Variants in TRPM3 observed in about 807,000 individuals in gnomAD.
The protein encoded by TRPM3 is long transient receptor potential channel 3.
A neutral mutation model predicts 181.2 loss-of-function variants in TRPM3; 77 were observed. That is an observed-to-expected ratio of 0.42 (90% CI 0.35 to 0.51). The LOEUF (loss-of-function observed/expected upper bound fraction) is 0.51, where lower values mean the gene tolerates loss of function less well. Ranked by LOEUF, TRPM3 falls within the 20% of genes least tolerant of loss-of-function variation. TRPM3 has a pLI of 0.01. For missense variants in TRPM3, 1,759 were observed against 2,196.7 expected (o/e 0.80, Z 3.98); for synonymous variants, 745 against 796.4 (o/e 0.94, Z 1.09).
At chr9:71,413,277 ATATT>A (rs1189582675) in intron 1 of TRPM3, among the ~76,000 whole-genome samples, 3 of 152,158 alleles carry the variant, frequency 2.0e-5, no homozygotes, top group East Asian at 1.9e-4. Flanking sequence ...TTTATAACTC[ATATT>A]TATTGAGTAT....
intron 6 of TRPM3, among the ~76,000 whole-genome samples, chr9:70,791,791 TA>T (rs2085481319): frequency 1.3e-5 from 2 of 152,340 alleles, no homozygotes; most frequent in South Asian, 4.1e-4. Flanking sequence ...GAATGCAGAA[TA>T]TATTAAATTA....
At chr9:71,421,998 G>T (rs959059681) in intron 1 of TRPM3, among the ~76,000 whole-genome samples, 1 of 151,442 alleles carries the variant, frequency 6.6e-6, no homozygotes, top group Non-Finnish European at 1.5e-5. Flanking sequence ...TGTTTTTTTT[G>T]AAGATGCTAC....
intron 1 of TRPM3, among the ~76,000 whole-genome samples, chr9:71,130,618 T>C (rs2074310481): frequency 1.3e-5 from 2 of 152,188 alleles, no homozygotes; most frequent in Non-Finnish European, 1.5e-5. Flanking sequence ...ATGAATTTGA[T>C]TTATAGCAGC....
intron 1 of TRPM3, among the ~76,000 whole-genome samples, chr9:71,187,768 C>T (rs2077760595): frequency 1.3e-5 from 2 of 151,862 alleles, no homozygotes; most frequent in Non-Finnish European, 2.9e-5. Flanking sequence ...TTTCTTCAGA[C>T]ATATTCCAAG....
intron 8 of TRPM3, chr9:70,760,887 CG>C (rs1564165069): frequency 6.6e-6 from 1 of 152,198 alleles, no homozygotes; most frequent in African/African-American, 2.4e-5. Context: ...TCAAATGAGC[CG>C]GGTTTCCTCA....
intron 1 of TRPM3, among the ~76,000 whole-genome samples, chr9:71,250,122 T>C (rs1257996953): frequency 6.6e-6 from 1 of 152,116 alleles, no homozygotes; most frequent in Non-Finnish European, 1.5e-5. Flanking sequence ...AAAATAGGAG[T>C]CACAATTCTA....
chr9:70,584,959 T>C (rs2056797487), intron 22 of TRPM3, among the ~76,000 whole-genome samples: 1 of 152,186 alleles, frequency 6.6e-6, no homozygotes, highest in African/African-American at 2.4e-5. Flanking sequence ...TCTATGCAAA[T>C]AGGTGGCCCA....
At chr9:70,934,565 C>T (rs944141441) in intron 1 of TRPM3, among the ~76,000 whole-genome samples, 6 of 152,098 alleles carry the variant, frequency 3.9e-5, no homozygotes, top group Admixed American at 1.3e-4. Context: ...TTCTTAGCCT[C>T]GGTTTCCTCA....
At chr9:70,822,007 A>T (rs954053313) in intron 6 of TRPM3, among the ~76,000 whole-genome samples, 4 of 152,214 alleles carry the variant, frequency 2.6e-5, no homozygotes, top group African/African-American at 9.7e-5. Context: ...AACTGACTGT[A>T]GTTGTTTTCT....
intron 1 of TRPM3, among the ~76,000 whole-genome samples, chr9:71,258,261 A>C (rs2082799818): frequency 6.6e-6 from 1 of 152,198 alleles, no homozygotes; most frequent in African/African-American, 2.4e-5. Flanking sequence ...AGATGGGGAA[A>C]CTGAGGTTAA....
At chr9:71,274,687 T>C (rs1190825891) in intron 1 of TRPM3, among the ~76,000 whole-genome samples, 2 of 152,244 alleles carry the variant, frequency 1.3e-5, no homozygotes, top group African/African-American at 2.4e-5. Context: ...TGTCATTTTC[T>C]TGAATCTATT....
rs2061864025 is a variant in TRPM3, at chr9:70,610,604, C to T, written c.2667+5G>A. 6.2e-7 allele frequency: 1 copy of T among 1,613,074 alleles called. No homozygotes were observed. Among genetic ancestry groups the T allele is most frequent in the Non-Finnish European group, 8.5e-7 (1 of 1,179,398 alleles). On this transcript the variant is annotated splice_donor_5th_base_variant and intron_variant, in intron 19 of 25. Transcript: ENST00000677713. ...ACTAGGAAGGAGAAAAGGAAATGTGCTTACTGTGTAGAACCAGAACTTCAC... is the reference window on the plus strand; with the variant it reads ...ACTAGGAAGGAGAAAAGGAAATGTGTTTACTGTGTAGAACCAGAACTTCAC...
At chr9:71,347,860 C>T (rs1368845461) in intron 1 of TRPM3, among the ~76,000 whole-genome samples, 1 of 151,522 alleles carries the variant, frequency 6.6e-6, no homozygotes, top group Non-Finnish European at 1.5e-5. Flanking sequence ...GTTTTAACAC[C>T]TTACATTTAA....
intron 7 of TRPM3, among the ~76,000 whole-genome samples, chr9:70,763,349 A>G (rs1159932377): frequency 2.0e-5 from 3 of 152,092 alleles, no homozygotes; most frequent in Admixed American, 6.6e-5. Flanking sequence ...GTCTCTACAA[A>G]AAATTTAAAA....
rs201590635 is a variant in TRPM3, at chr9:71,421,989, G to GT, written c.183+24663dup. Among the ~76,000 whole-genome samples the GT allele has an allele frequency of 3.1e-4, 47 of 151,564 alleles. No individual in the cohort carries two copies. In the East Asian group the frequency reaches 3.7e-3, roughly 12 times the overall value. On this transcript the variant is annotated intron_variant, in intron 1 of 24. Coordinates refer to the TRPM3 transcript ENST00000357533. ...TGTATTGTCACTTCTCAAAAATGTT[G>GT]TTTTTTTTGAAGATGCTACATAAGT... is the stretch of plus-strand genomic sequence containing the variant.
intron 8 of TRPM3, among the ~76,000 whole-genome samples, chr9:70,683,036 TAGA>T (rs530757544): frequency 1.5e-3 from 224 of 152,320 alleles, no homozygotes; most frequent in Non-Finnish European, 2.3e-3. Flanking sequence ...CACAATGAGC[TAGA>T]AGAACAGCTG....
intron 9 of TRPM3, 89 bp from the exon 10 acceptor site, chr9:70,640,749 A>G: frequency 3.1e-6 from 3 of 959,992 alleles, no homozygotes; most frequent in Non-Finnish European, 3.2e-6. Context: ...TCCCTCTGCC[A>G]TTAATGCCCC....
chr9:71,038,026 G>A (rs1206713834), intron 1 of TRPM3, among the ~76,000 whole-genome samples: 1 of 152,194 alleles, frequency 6.6e-6, no homozygotes, highest in African/African-American at 2.4e-5. Flanking sequence ...AGGAAGCAGA[G>A]GTCTAAGTAT....
At chr9:71,260,518 G>A (rs1257681389) in intron 1 of TRPM3, among the ~76,000 whole-genome samples, 1 of 152,108 alleles carries the variant, frequency 6.6e-6, no homozygotes, top group Non-Finnish European at 1.5e-5. Context: ...CCATGAGCAT[G>A]AAATGTTTTT....
Sources: gnomAD v4.1 joint callset for allele counts (sites outside exome capture counted in the v4.1 genomes callset) on GRCh38, gnomAD v4.1.1 for gene constraint, MANE v1.5 for transcripts, NCBI Gene and HGNC (gene_info 2026-07-23, HGNC 2026-07-21) for gene names.